The following GCSH variants were observed in gnomAD, a reference collection of about 807,000 sequenced individuals.
The protein encoded by GCSH is glycine cleavage system protein H.
GCSH carries 15 observed loss-of-function variants against 21.3 expected under a neutral mutation model. The ratio of observed to expected loss-of-function variants is 0.70; its 90% CI spans 0.47 to 1.08. GCSH has a LOEUF of 1.08. GCSH is among the 50% of genes least tolerant of loss of function. GCSH has a pLI of 0.00. For missense variants in GCSH, 179 were observed against 217.5 expected, an observed-to-expected ratio of 0.82 and a Z score of 1.11; for synonymous variants, 59 against 84.5, an observed-to-expected ratio of 0.70 and a Z score of 1.66.
chr16:81,095,297 T>C (rs569366220), intron 1 of GCSH, among the ~76,000 whole-genome samples: 55 of 152,212 alleles, frequency 3.6e-4, no homozygotes, highest in African/African-American at 1.2e-3. Flanking sequence ...AGACTTTATC[T>C]TACTTGTTTT....
chr16:81,087,333 C>G (rs1278829237), intron 3 of GCSH, among the ~76,000 whole-genome samples: 2 of 152,082 alleles, frequency 1.3e-5, no homozygotes, highest in Non-Finnish European at 2.9e-5. Flanking sequence ...CGAGACCAGC[C>G]TTGCCAACAT....
chr16:81,093,565 C>T (rs577346947), intron 1 of GCSH, among the ~76,000 whole-genome samples: 1 of 152,038 alleles, frequency 6.6e-6, no homozygotes, highest in South Asian at 2.1e-4. Context: ...TCCTGGCCAA[C>T]AGCAGTGGCT....
intron 1 of GCSH, chr16:81,091,209 A>G: frequency 2.5e-6 from 1 of 403,528 alleles, no homozygotes; most frequent in East Asian, 7.2e-5. Context: ...TTTTACAGGA[A>G]TGAAACTGAC....
intron 1 of GCSH, among the ~76,000 whole-genome samples, chr16:81,093,238 C>T (rs552311954): frequency 7.0e-4 from 106 of 152,130 alleles, no homozygotes; most frequent in African/African-American, 2.4e-3. Flanking sequence ...TTCTCTCACT[C>T]TGCTACAAAT....
chr16:81,088,637 A>G (rs1972332305), intron 2 of GCSH, among the ~76,000 whole-genome samples: 1 of 152,138 alleles, frequency 6.6e-6, no homozygotes, highest in African/African-American at 2.4e-5. Flanking sequence ...TTGACCTCAG[A>G]TAATCAACTT....
At position 81,096,147 on chromosome 16, in the gene GCSH, T is replaced by A. The variant is rs1185522027; in HGVS notation, c.132A>T (p.Gly44=). 2 of 1,299,184 alleles carry A rather than the reference T, an allele frequency of 1.5e-6. No homozygotes were observed. Among genetic ancestry groups the A allele is most frequent in the Non-Finnish European group, 1.9e-6 (2 of 1,028,546 alleles). The allele number at this position is 1,299,184 out of a possible 1,614,324, so 80.5% of individuals were successfully genotyped here. The change falls in exon 1 of 5, where the codon GGA becomes GGT. Residue 44 remains glycine, a synonymous_variant. Transcript: ENST00000315467. Reference sequence around the variant, plus strand: ...CGCGCTTACCCGAGAGCAGAGCGGGTCCAGTGCGCAGCGTACGGACGGCGC... The same window carrying A: ...CGCGCTTACCCGAGAGCAGAGCGGGACCAGTGCGCAGCGTACGGACGGCGC... ...GVGAVRTLRT[G]PALLSVRKFT...
intron 3 of GCSH, among the ~76,000 whole-genome samples, chr16:81,085,450 A>G (rs1170984877): frequency 6.6e-6 from 1 of 152,208 alleles, no homozygotes; most frequent in Non-Finnish European, 1.5e-5. Context: ...ATGTGCCTGA[A>G]TGCCAGATGT....
At chr16:81,084,385 A>G (rs764981395) in intron 4 of GCSH, 78 bp downstream of exon 4, 4 of 1,094,644 alleles carry the variant, frequency 3.7e-6, no homozygotes, top group Non-Finnish European at 5.7e-6. Context: ...AGTCACAATC[A>G]GCTAAACTTG....
rs185163099 is a variant in GCSH, at chr16:81,091,137, G to C, written c.149-457C>G. Reference sequence around the variant, plus strand: ...AAAAAAAAATAACAGTAATAATCAGGTGCCTCTTTAGGCAGAGTTGACCTA... The same window carrying C: ...AAAAAAAAATAACAGTAATAATCAGCTGCCTCTTTAGGCAGAGTTGACCTA... On this transcript the variant is annotated intron_variant, in intron 1 of 4. Coordinates refer to ENST00000315467, the MANE Select transcript of GCSH (RefSeq NM_004483.5). 6.7e-6 allele frequency: 3 copies of C among 450,916 alleles called. 1 individual carries two copies. The highest frequency in any genetic ancestry group is 1.3e-5 in the Non-Finnish European group (3 of 225,858). The allele number at this position is 450,916 out of a possible 1,614,324, so 27.9% of individuals were successfully genotyped here. A position where few individuals can be genotyped will look rare whatever the true frequency, so the allele number is the denominator to read the frequency against.
At chr16:81,083,368 A>G in intron 4 of GCSH, 1 of 220,890 alleles carries the variant, frequency 4.5e-6, no homozygotes, top group South Asian at 6.0e-5. Flanking sequence ...AACCACAAAA[A>G]TTAGCTGGGC....
chr16:81,088,886 G>A (rs1326171054), intron 2 of GCSH, among the ~76,000 whole-genome samples: 1 of 152,148 alleles, frequency 6.6e-6, no homozygotes, highest in Non-Finnish European at 1.5e-5. Flanking sequence ...CATCAGGTAA[G>A]TGAATTACAA....
At position 81,096,293 on chromosome 16, in the gene GCSH, G is replaced by T. The variant is rs910012408; in HGVS notation, c.-15C>A. 1,129 of 1,362,862 alleles carry T rather than the reference G, an allele frequency of 8.3e-4. 1 individual carries two copies. Among genetic ancestry groups the T allele is most frequent in the Non-Finnish European group, 9.7e-4 (1,029 of 1,062,972 alleles). 84.4% of individuals were successfully genotyped at this position (1,362,862 alleles called of 1,614,324 possible). ...CGCAGCGCCATGTTCGCAGGGGTGC[G>T]GGGGTCGCAGCGCTACGCCTCGGCC... On this transcript the variant is annotated 5_prime_UTR_variant, in exon 1 of 5. Transcript: ENST00000315467.
chr16:81,085,741 T>A (rs971223630), intron 3 of GCSH, among the ~76,000 whole-genome samples: 12 of 151,992 alleles, frequency 7.9e-5, no homozygotes, highest in African/African-American at 2.9e-4. Context: ...GCGCCTATAA[T>A]CCCAGCTACT....
intron 1 of GCSH, chr16:81,091,235 T>A (rs1972391547): frequency 8.1e-6 from 3 of 370,998 alleles, no homozygotes; most frequent in South Asian, 4.0e-5. Context: ...GGAACAACTA[T>A]AATTTGACTA....
chr16:81,089,221 G>A (rs1972344083), intron 2 of GCSH, among the ~76,000 whole-genome samples: 1 of 152,176 alleles, frequency 6.6e-6, no homozygotes. Flanking sequence ...ATGCTTGGGA[G>A]CAGAAGTGTT....
chr16:81,096,108 G>T, intron 1 of GCSH, 23 bp downstream of exon 1: 1 of 1,244,232 alleles, frequency 8.0e-7, no homozygotes. Context: ...GGGAGCAGCC[G>T]CCCACGTGCC....
In GCSH at chr16:81,096,143, C is replaced by A. The variant is rs1972502013; in HGVS notation, c.136G>T (p.Ala46Ser). The change falls in exon 1 of 5, where the codon GCT becomes TCT. Residue 46 changes from alanine (A) to serine (S), a missense_variant. Ala to Ser is a moderately conservative substitution (Grantham distance 99, BLOSUM62 1). Transcript: ENST00000315467. The stretch of plus-strand genomic sequence containing the variant: ...CCGCCGCGCTTACCCGAGAGCAGAG[C>A]GGGTCCAGTGCGCAGCGTACGGACG... ...GAVRTLRTGP[A>S]LLSVRKFTEK... 2 of 1,288,620 alleles carry A rather than the reference C, an allele frequency of 1.6e-6. No individual in the cohort carries two copies. Among genetic ancestry groups the A allele is most frequent in the South Asian group, 5.0e-5 (2 of 39,694 alleles). 79.8% of individuals were successfully genotyped at this position (1,288,620 alleles called of 1,614,324 possible).
rs1461193582 is a variant in GCSH, at chr16:81,096,303, G to T, written c.-25C>A. ...TGTTCGCAGGGGTGCGGGGGTCGCA[G>T]CGCTACGCCTCGGCCACCCGCGCCG... is the stretch of plus-strand genomic sequence containing the variant. On this transcript the variant is annotated 5_prime_UTR_variant, in exon 1 of 5. The change creates a new upstream start codon in the 5' untranslated region. Transcript: ENST00000315467. The T allele has an allele frequency of 1.2e-5, 16 of 1,359,298 alleles. No homozygotes were observed. The highest frequency in any genetic ancestry group is 1.4e-5 in the Non-Finnish European group (15 of 1,061,312). The allele number at this position is 1,359,298 out of a possible 1,614,324, so 84.2% of individuals were successfully genotyped here.
At chr16:81,093,004 C>T (rs561358435) in intron 1 of GCSH, among the ~76,000 whole-genome samples, 4 of 151,906 alleles carry the variant, frequency 2.6e-5, no homozygotes, top group South Asian at 2.1e-4. Flanking sequence ...TAGTGGTACA[C>T]GCCTATAATC....
Sources: gnomAD v4.1 joint callset for allele counts (sites outside exome capture counted in the v4.1 genomes callset) on GRCh38, gnomAD v4.1.1 for gene constraint, MANE v1.5 for transcripts, NCBI Gene and HGNC (gene_info 2026-07-23, HGNC 2026-07-21) for gene names.